The following RXRA variants were observed in gnomAD, a reference collection of about 807,000 sequenced individuals.
RXRA encodes retinoic acid receptor RXR-alpha.
RXRA carries 5 observed loss-of-function variants against 44.5 expected under a neutral mutation model. The ratio of observed to expected loss-of-function variants is 0.11; its 90% CI spans 0.06 to 0.24. RXRA has a LOEUF of 0.24. Ranked by LOEUF, RXRA falls within the 10% of genes least tolerant of loss-of-function variation. RXRA has a pLI of 1.00. For synonymous variants in RXRA, 291 were observed against 271.4 expected, an observed-to-expected ratio of 1.07 and a Z score of -0.71; for missense variants, 412 against 646.5, an observed-to-expected ratio of 0.64 and a Z score of 3.93.
intron 1 of RXRA, among the ~76,000 whole-genome samples, chr9:134,364,741 G>A (rs1399499444): frequency 6.6e-6 from 1 of 152,176 alleles, no homozygotes; most frequent in Admixed American, 6.5e-5. Context: ...GGGTGTTCTG[G>A]GAGATTGGAG....
chr9:134,414,028 A>C (rs1310392078), intron 4 of RXRA, among the ~76,000 whole-genome samples: 1 of 152,210 alleles, frequency 6.6e-6, no homozygotes, highest in Non-Finnish European at 1.5e-5. Context: ...CTCCGGCGCC[A>C]GCGGAACATG....
chr9:134,388,386 C>T (rs954281148), intron 1 of RXRA, among the ~76,000 whole-genome samples: 7 of 152,094 alleles, frequency 4.6e-5, no homozygotes, highest in Admixed American at 3.3e-4. Context: ...TCTCCTGAAG[C>T]GCACTTACTG....
At chr9:134,380,314 G>T (rs1383062344) in intron 1 of RXRA, among the ~76,000 whole-genome samples, 3 of 152,162 alleles carry the variant, frequency 2.0e-5, no homozygotes, top group African/African-American at 7.2e-5. Flanking sequence ...TGGCCTGGGG[G>T]CAGGGGTAGG....
intron 1 of RXRA, among the ~76,000 whole-genome samples, chr9:134,386,047 TGTG>T (rs1457777755): frequency 6.6e-6 from 1 of 152,234 alleles, no homozygotes; most frequent in African/African-American, 2.4e-5. Flanking sequence ...GCAGCCGCCT[TGTG>T]GTCACAGGTG....
rs116906088 is a variant in RXRA at position 134,362,378 on chromosome 9, G to A, written c.28+35719G>A. On this transcript the variant is annotated intron_variant, in intron 1 of 9. Transcript: ENST00000481739. ...GGTGGCAGGGGCATCTCTTAGGCCC[G>A]CCTCGCTGGGTGCCCCTGCAGACAC... Among the ~76,000 whole-genome samples the A allele has an allele frequency of 3.6e-3, 543 of 152,288 alleles. 15 individuals carry two copies. The East Asian group carries it at 0.068, about 19-fold the overall frequency.
chr9:134,424,199 C>T, intron 6 of RXRA: 1 of 985,400 alleles, frequency 1.0e-6, no homozygotes, highest in Non-Finnish European at 1.2e-6. Context: ...CCTGTGGTCT[C>T]CCTGCAGCTG....
chr9:134,431,089 A>G (rs1053098264), intron 7 of RXRA, among the ~76,000 whole-genome samples: 3 of 152,228 alleles, frequency 2.0e-5, no homozygotes, highest in African/African-American at 7.2e-5. Flanking sequence ...CCCTTGGCCC[A>G]CAGGGGAGAG....
At position 134,343,944 on chromosome 9, in the gene RXRA, C is replaced by T. The variant is rs1433458230; in HGVS notation, c.28+17285C>T. ...CCCTACCACAGTGGGGTGGGCATCTCCCCATAGGCCCTCCCCACAGGATGC... is the reference window on the plus strand; with the variant it reads ...CCCTACCACAGTGGGGTGGGCATCTTCCCATAGGCCCTCCCCACAGGATGC... On this transcript the variant is annotated intron_variant, in intron 1 of 9. Coordinates refer to ENST00000481739, the MANE Select transcript of RXRA (RefSeq NM_002957.6). The surrounding 1 kb of genome is among the most constrained non-coding windows in gnomAD (Gnocchi z 4.1). 2.0e-5 allele frequency among the ~76,000 whole-genome samples: 3 copies of T among 152,160 alleles called. No homozygotes were observed. Among genetic ancestry groups the T allele is most frequent in the Non-Finnish European group, 4.4e-5 (3 of 68,012 alleles).
chr9:134,390,871 A>C (rs910653369), intron 1 of RXRA, among the ~76,000 whole-genome samples: 8 of 152,022 alleles, frequency 5.3e-5, no homozygotes, highest in African/African-American at 1.9e-4. Flanking sequence ...CTTCTGTGGG[A>C]AGGATGCTGC....
In RXRA at chr9:134,326,482, A is replaced by G. The variant is rs1444126024; in HGVS notation, c.-150A>G. ...TTTACATTGTTGGGCGACTTTTGCA[A>G]CAACTCGCCGCGCCGCGGCCTCCGC... On this transcript the variant is annotated 5_prime_UTR_variant, in exon 1 of 10. Transcript: ENST00000481739. 2.2e-5 allele frequency: 3 copies of G among 136,500 alleles called. No individual in the cohort carries two copies. Among genetic ancestry groups the G allele is most frequent in the African/African-American group, 7.9e-5 (3 of 38,002 alleles). 8.5% of individuals were successfully genotyped at this position (136,500 alleles called of 1,614,324 possible).
Position 134,337,312 on chromosome 9 carries a change from T to TCATCTGTCTGTCCGTCCGTC in RXRA, c.28+10658_28+10677dup, listed in dbSNP as rs1410236112. Among the ~76,000 whole-genome samples, 199 of 152,238 alleles carry TCATCTGTCTGTCCGTCCGTC rather than the reference T, an allele frequency of 1.3e-3. 1 individual carries two copies. The highest frequency in any genetic ancestry group is 4.6e-3 in the African/African-American group (191 of 41,548). On this transcript the variant is annotated intron_variant, in intron 1 of 9. Transcript: ENST00000481739. ...ACCTGCCTGCTGTCTGTCCGTCCGC[T>TCATCTGTCTGTCCGTCCGTC]CATCTGTCTGTCCGTCCGTCCATCC... is the stretch of plus-strand genomic sequence containing the variant.
intron 1 of RXRA, among the ~76,000 whole-genome samples, chr9:134,391,481 T>TG (rs1168557688): frequency 3.9e-5 from 6 of 152,126 alleles, no homozygotes; most frequent in African/African-American, 1.2e-4. Flanking sequence ...GCCCACAGGC[T>TG]GGGGGCCCCC....
chr9:134,369,621 T>C (rs1427782130), intron 1 of RXRA, among the ~76,000 whole-genome samples: 3 of 151,918 alleles, frequency 2.0e-5, no homozygotes, highest in Non-Finnish European at 4.4e-5. Flanking sequence ...CCCCCACCTT[T>C]GTGTCCCCTC....
At chr9:134,427,662 C>T (rs1831457072) in intron 6 of RXRA, among the ~76,000 whole-genome samples, 1 of 152,192 alleles carries the variant, frequency 6.6e-6, no homozygotes, top group African/African-American at 2.4e-5. Flanking sequence ...ACGGTGACAC[C>T]TGCCCCCGGG....
intron 1 of RXRA, among the ~76,000 whole-genome samples, chr9:134,363,664 G>GTGGC (rs1283036521): frequency 6.6e-6 from 1 of 152,246 alleles, no homozygotes; most frequent in Non-Finnish European, 1.5e-5. Context: ...GGCACCGGGT[G>GTGGC]TGGCTGGCAC....
At chr9:134,415,940 A>G (rs1831226774) in intron 4 of RXRA, among the ~76,000 whole-genome samples, 1 of 152,140 alleles carries the variant, frequency 6.6e-6, no homozygotes, top group South Asian at 2.1e-4. Flanking sequence ...TCTCAGCCAT[A>G]GTTTTCTCAC....
chr9:134,424,976 G>A (rs1396748499), intron 6 of RXRA: 2 of 985,364 alleles, frequency 2.0e-6, no homozygotes, highest in Admixed American at 1.2e-4. Context: ...TGTTCCCAGT[G>A]CTGGTGGGGG....
At chr9:134,363,719 C>T (rs985633682) in intron 1 of RXRA, among the ~76,000 whole-genome samples, 1 of 152,204 alleles carries the variant, frequency 6.6e-6, no homozygotes, top group Non-Finnish European at 1.5e-5. Context: ...CTGGCCAGTG[C>T]GTCTCCCAGT....
intron 4 of RXRA, among the ~76,000 whole-genome samples, chr9:134,414,657 G>A (rs1453042509): frequency 6.6e-6 from 1 of 152,224 alleles, no homozygotes; most frequent in Admixed American, 6.5e-5. Flanking sequence ...GGCTCTCAGA[G>A]CCTCAGCTTC....
Sources: gnomAD v4.1 joint callset for allele counts (sites outside exome capture counted in the v4.1 genomes callset) on GRCh38, gnomAD v4.1.1 for gene constraint, Gnocchi (gnomAD v3.1) non-coding constraint, MANE v1.5 for transcripts, NCBI Gene and HGNC (gene_info 2026-07-23, HGNC 2026-07-21) for gene names.